PXDNL: variants seen among roughly 807,000 people sequenced by gnomAD.
PXDNL encodes peroxidasin like.
A neutral mutation model predicts 150.8 loss-of-function variants in PXDNL; 145 were observed. The observed-to-expected ratio is 0.96, with a 90% CI of 0.84 to 1.10. The LOEUF (loss-of-function observed/expected upper bound fraction) is 1.10. PXDNL is among the 50% of genes least tolerant of loss of function. The pLI, the probability that PXDNL is intolerant of heterozygous loss-of-function variation, is 0.00. For missense variants in PXDNL, 2,087 were observed against 1,873.9 expected (o/e 1.11, Z -2.10); for synonymous variants, 757 against 725.7 (o/e 1.04, Z -0.69).
At chr8:51,567,631 C>G (rs1181660211) in intron 3 of PXDNL, among the ~76,000 whole-genome samples, 1 of 151,744 alleles carries the variant, frequency 6.6e-6, no homozygotes, top group East Asian at 1.9e-4. Flanking sequence ...CTTTCTCCAT[C>G]TCTTTATTTT....
At chr8:51,529,520 A>G (rs6994583) in intron 4 of PXDNL, among the ~76,000 whole-genome samples, 23,667 of 152,106 alleles carry the variant, frequency 0.16, 3,974 homozygotes, top group African/African-American at 0.42. Context: ...TTGCTGTTTC[A>G]TTCTTACCTC....
intron 12 of PXDNL, among the ~76,000 whole-genome samples, chr8:51,444,656 T>C (rs1256288293): frequency 6.6e-6 from 1 of 152,110 alleles, no homozygotes; most frequent in African/African-American, 2.4e-5. Context: ...TGGAAACAGA[T>C]GAAGGTTCTG....
intron 12 of PXDNL, among the ~76,000 whole-genome samples, chr8:51,446,018 A>G (rs568829371): frequency 2.6e-4 from 39 of 152,296 alleles, no homozygotes; most frequent in African/African-American, 8.4e-4. Context: ...TGTCTAAAAT[A>G]TAAGGGAACC....
intron 6 of PXDNL, among the ~76,000 whole-genome samples, chr8:51,479,883 A>G (rs766908301): frequency 6.6e-6 from 1 of 152,244 alleles, no homozygotes; most frequent in Non-Finnish European, 1.5e-5. Context: ...ACAGATAGAT[A>G]TGGTCAGTTG....
chr8:51,565,332 A>AGAT (rs1347478657), intron 3 of PXDNL, among the ~76,000 whole-genome samples: 1 of 138,674 alleles, frequency 7.2e-6, no homozygotes, highest in Non-Finnish European at 1.5e-5. Flanking sequence ...ATAGATAGAT[A>AGAT]GATAGATAGA....
At chr8:51,713,663 T>C (rs1816546046) in intron 1 of PXDNL, among the ~76,000 whole-genome samples, 1 of 152,230 alleles carries the variant, frequency 6.6e-6, no homozygotes, top group South Asian at 2.1e-4. Flanking sequence ...TCAAACAAGC[T>C]TTATCCTTTT....
chr8:51,677,772 T>A (rs1365904266), intron 1 of PXDNL, among the ~76,000 whole-genome samples: 1 of 152,220 alleles, frequency 6.6e-6, no homozygotes. Context: ...AATCTTTGGA[T>A]AATTTATAAC....
At chr8:51,383,611 A>G (rs1340399938) in intron 17 of PXDNL, among the ~76,000 whole-genome samples, 1 of 152,202 alleles carries the variant, frequency 6.6e-6, no homozygotes, top group Non-Finnish European at 1.5e-5. Flanking sequence ...GTACCATCTA[A>G]CTGTGTTTAA....
At chr8:51,529,251 C>A (rs1811832536) in intron 4 of PXDNL, among the ~76,000 whole-genome samples, 1 of 152,188 alleles carries the variant, frequency 6.6e-6, no homozygotes, top group Non-Finnish European at 1.5e-5. Context: ...CATCGTCACT[C>A]CCTCTTATCC....
At chr8:51,552,694 G>T (rs1473457326) in intron 4 of PXDNL, among the ~76,000 whole-genome samples, 1 of 152,172 alleles carries the variant, frequency 6.6e-6, no homozygotes, top group Non-Finnish European at 1.5e-5. Flanking sequence ...GGAAGCGGGG[G>T]TGAGGGATCA....
At chr8:51,732,767 A>G (rs1468554743) in intron 1 of PXDNL, among the ~76,000 whole-genome samples, 1 of 152,144 alleles carries the variant, frequency 6.6e-6, no homozygotes, top group Middle Eastern at 3.2e-3. Flanking sequence ...GTGTGTAGGG[A>G]AACTCCCCTT....
intron 1 of PXDNL, among the ~76,000 whole-genome samples, chr8:51,778,406 TC>T (rs1168612942): frequency 6.6e-6 from 1 of 152,236 alleles, no homozygotes; most frequent in Non-Finnish European, 1.5e-5. Flanking sequence ...GGAAGTTCTT[TC>T]CTGTCTCCCA....
At chr8:51,661,309 C>A (rs528525855) in intron 1 of PXDNL, among the ~76,000 whole-genome samples, 1 of 152,156 alleles carries the variant, frequency 6.6e-6, no homozygotes, top group South Asian at 2.1e-4. Flanking sequence ...TATTAACCTG[C>A]TGTGGTGGTT....
intron 17 of PXDNL, among the ~76,000 whole-genome samples, chr8:51,386,448 TAAGA>T (rs1444277216): frequency 6.6e-6 from 1 of 151,990 alleles, no homozygotes; most frequent in Admixed American, 6.6e-5. Context: ...CTGGCAGTAG[TAAGA>T]TAGATAGATG....
chr8:51,446,906 A>G, intron 12 of PXDNL, 98 bp downstream of exon 12: 1 of 930,988 alleles, frequency 1.1e-6, no homozygotes. Context: ...ATATATATAT[A>G]TATAGTCATA....
chr8:51,556,965 T>C (rs1812614031), intron 3 of PXDNL, 54 bp from the exon 4 acceptor site: 1 of 1,044,440 alleles, frequency 9.6e-7, no homozygotes, highest in Non-Finnish European at 1.5e-6. Context: ...ATACCACATG[T>C]CTTAGATACA....
intron 4 of PXDNL, among the ~76,000 whole-genome samples, chr8:51,554,155 C>T (rs1812553491): frequency 6.6e-6 from 1 of 152,176 alleles, no homozygotes; most frequent in African/African-American, 2.4e-5. Context: ...GCTGCCAAGG[C>T]TTACCACTTG....
chr8:51,785,380 T>C (rs1436184640), intron 1 of PXDNL, among the ~76,000 whole-genome samples: 2 of 152,218 alleles, frequency 1.3e-5, no homozygotes, highest in African/African-American at 2.4e-5. Context: ...ACATTAGTAA[T>C]ACATGTACAG....
chr8:51,416,363 T>C (rs1808800648), intron 14 of PXDNL, among the ~76,000 whole-genome samples: 1 of 152,234 alleles, frequency 6.6e-6, no homozygotes. Flanking sequence ...AATATGTGAA[T>C]GTGAATTGGA....
Sources: gnomAD v4.1 joint callset for allele counts (sites outside exome capture counted in the v4.1 genomes callset) on GRCh38, gnomAD v4.1.1 for gene constraint, MANE v1.5 for transcripts, NCBI Gene and HGNC (gene_info 2026-07-23, HGNC 2026-07-21) for gene names.